The following PXYLP1 variants were observed in gnomAD, a reference collection of about 807,000 sequenced individuals.
The protein encoded by PXYLP1 is acid phosphatase-like 2.
A neutral mutation model predicts 37.9 loss-of-function variants in PXYLP1; 17 were observed. That is an observed-to-expected ratio of 0.45 (90% CI 0.31 to 0.67). The LOEUF is 0.67. Ranked by LOEUF, PXYLP1 falls within the 30% of genes least tolerant of loss-of-function variation. The pLI, the probability that PXYLP1 is intolerant of heterozygous loss-of-function variation, is 0.07. For missense variants in PXYLP1, 511 were observed against 612.0 expected, an observed-to-expected ratio of 0.84 and a Z score of 1.74; for synonymous variants, 221 against 232.2, an observed-to-expected ratio of 0.95 and a Z score of 0.44.
rs568158558 is a variant in PXYLP1, at chr3:141,269,111, C to T, written c.79+8857C>T. ...TTGAGGTGGCCTCCCCAAAGCCCCT[C>T]GCCTGTCTGGCTATGTCTTTTGAGC... On this transcript the variant is annotated intron_variant, in intron 2 of 5. Coordinates refer to ENST00000286353, the MANE Select transcript of PXYLP1 (RefSeq NM_001037172.3). Among the ~76,000 whole-genome samples, 200 of 152,372 alleles carry T rather than the reference C, an allele frequency of 1.3e-3. 1 individual carries two copies. The highest frequency in any genetic ancestry group is 2.1e-3 in the Non-Finnish European group (145 of 68,042).
intron 2 of PXYLP1, among the ~76,000 whole-genome samples, chr3:141,270,182 G>A (rs1941625783): frequency 6.6e-6 from 1 of 152,350 alleles, no homozygotes; most frequent in East Asian, 1.9e-4. Context: ...TCACCATGAA[G>A]CAACATTAAG....
At chr3:141,273,088 A>G (rs1354424654) in intron 2 of PXYLP1, 4 of 985,278 alleles carry the variant, frequency 4.1e-6, no homozygotes, top group Non-Finnish European at 4.8e-6. Context: ...CGTGCCTGAG[A>G]AGGCTATTTT....
chr3:141,259,375 G>A (rs979423345), intron 1 of PXYLP1, among the ~76,000 whole-genome samples: 1 of 145,354 alleles, frequency 6.9e-6, no homozygotes, highest in Non-Finnish European at 1.5e-5. Context: ...TAGGGTAGAA[G>A]TTATAGTAGT....
Position 141,245,279 on chromosome 3 carries a change from C to T in PXYLP1, c.-54+13368C>T, listed in dbSNP as rs181458476. Among the ~76,000 whole-genome samples the T allele has an allele frequency of 4.9e-4, 75 of 152,056 alleles. 1 individual carries two copies. Among genetic ancestry groups the T allele is most frequent in the Non-Finnish European group, 9.1e-4 (62 of 67,992 alleles). The stretch of plus-strand genomic sequence containing the variant: ...ATATAGCTTTGTCATGTTGGCCAGG[C>T]TGGTCTCGAACTCCTGACCTCAGGT... On this transcript the variant is annotated intron_variant, in intron 1 of 5. Transcript: ENST00000286353.
At position 141,278,470 on chromosome 3, in the gene PXYLP1, A is replaced by T. The variant is rs1941859746; in HGVS notation, c.208A>T (p.Ile70Phe). The change falls in exon 3 of 6, where the codon ATC (isoleucine) becomes TTC (phenylalanine). Residue 70 changes from isoleucine (I) to phenylalanine (F), a missense_variant. By Grantham distance (21) the Ile-to-Phe change is conservative. Transcript: ENST00000286353. Reference sequence around the variant, plus strand: ...TTATGAAGCTCTTTTGTACTGCAACATCCCCAGCGTGGCCGAGCGCAGCAT... The same window carrying T: ...TTATGAAGCTCTTTTGTACTGCAACTTCCCCAGCGTGGCCGAGCGCAGCAT... The part of the protein sequence containing the change: ...PVYEALLYCN[I>F]PSVAERSMEG... 1 of 1,614,064 alleles carries T rather than the reference A, an allele frequency of 6.2e-7. No individual in the cohort carries two copies. Among genetic ancestry groups the T allele is most frequent in the Non-Finnish European group, 8.5e-7 (1 of 1,180,038 alleles).
rs764239707 is a variant in PXYLP1, at chr3:141,293,238, C to A, written c.*33C>A. On this transcript the variant is annotated 3_prime_UTR_variant, in exon 6 of 6. Coordinates refer to ENST00000286353, the MANE Select transcript of PXYLP1 (RefSeq NM_001037172.3). ...GCAGTACAGCAGTATAGAATCCATG[C>A]CAATACAGAGCATAGGGAAAGGTCC... is the stretch of plus-strand genomic sequence containing the variant. The A allele has an allele frequency of 6.4e-7, 1 of 1,571,912 alleles. No individual in the cohort carries two copies. Among genetic ancestry groups the A allele is most frequent in the East Asian group, 2.2e-5 (1 of 44,586 alleles).
chr3:141,284,884 C>G (rs1942035066), intron 4 of PXYLP1, among the ~76,000 whole-genome samples: 1 of 152,190 alleles, frequency 6.6e-6, no homozygotes, highest in African/African-American at 2.4e-5. Context: ...TTATCGTATT[C>G]ATTTCTACAG....
At chr3:141,249,306 C>T (rs1309008858) in intron 1 of PXYLP1, among the ~76,000 whole-genome samples, 2 of 152,160 alleles carry the variant, frequency 1.3e-5, no homozygotes, top group East Asian at 3.8e-4. Flanking sequence ...TTGGGCAAAA[C>T]GCCTCTCAGT....
chr3:141,245,693 T>C (rs1940919453), intron 1 of PXYLP1, among the ~76,000 whole-genome samples: 1 of 152,042 alleles, frequency 6.6e-6, no homozygotes, highest in South Asian at 2.1e-4. Flanking sequence ...GCACAAGGAG[T>C]GTCCAGTAGA....
chr3:141,284,831 A>G (rs1047775538), intron 4 of PXYLP1, among the ~76,000 whole-genome samples: 1 of 152,204 alleles, frequency 6.6e-6, no homozygotes, highest in African/African-American at 2.4e-5. Flanking sequence ...GGCCGACTAT[A>G]TTTTCATCAA....
intron 2 of PXYLP1, among the ~76,000 whole-genome samples, chr3:141,276,940 A>G (rs991876191): frequency 7.2e-5 from 11 of 152,216 alleles, no homozygotes; most frequent in African/African-American, 2.7e-4. Flanking sequence ...CTGTTGTTTT[A>G]TCTGTATCTA....
chr3:141,283,288 G>C (rs182632295), intron 4 of PXYLP1, among the ~76,000 whole-genome samples: 275 of 152,068 alleles, frequency 1.8e-3, no homozygotes, highest in African/African-American at 6.4e-3. Context: ...GGCCTAGTCT[G>C]TATAATTTTG....
intron 1 of PXYLP1, among the ~76,000 whole-genome samples, chr3:141,241,117 A>G (rs1358803542): frequency 4.6e-5 from 7 of 152,196 alleles, no homozygotes; most frequent in Non-Finnish European, 1.0e-4. Context: ...CACAACAAAG[A>G]GTAACCTGAT....
At chr3:141,233,260 G>C (rs1282359800) in intron 1 of PXYLP1, among the ~76,000 whole-genome samples, 1 of 152,154 alleles carries the variant, frequency 6.6e-6, no homozygotes, top group Non-Finnish European at 1.5e-5. Context: ...CAGAGGTCGG[G>C]AGTTCGAGAC....
At chr3:141,273,811 A>G in intron 2 of PXYLP1, 2 of 985,370 alleles carry the variant, frequency 2.0e-6, no homozygotes, top group Non-Finnish European at 2.4e-6. Flanking sequence ...TAATCACACC[A>G]CAGAGAAATT....
rs560351125 is a variant in PXYLP1, at chr3:141,233,421, C to T, written c.-54+1510C>T. Reference sequence around the variant, plus strand: ...CAGAGGTTGCAGTGAGCTGAGATTGCGCCATTGCACTCCAGCTTGGGCAAT... The same window carrying T: ...CAGAGGTTGCAGTGAGCTGAGATTGTGCCATTGCACTCCAGCTTGGGCAAT... On this transcript the variant is annotated intron_variant, in intron 1 of 5. Transcript: ENST00000286353. Among the ~76,000 whole-genome samples, 9 of 141,730 alleles carry T rather than the reference C, an allele frequency of 6.4e-5. No homozygotes were observed. The South Asian group carries it at 1.6e-3, about 26-fold the overall frequency. 93.0% of individuals were successfully genotyped at this position (141,730 alleles called of 152,430 possible).
intron 1 of PXYLP1, among the ~76,000 whole-genome samples, chr3:141,242,422 G>T (rs906053913): frequency 2.6e-5 from 4 of 152,166 alleles, no homozygotes; most frequent in Admixed American, 1.3e-4. Context: ...AGAAGGTAAG[G>T]GTTCTGATAA....
intron 1 of PXYLP1, among the ~76,000 whole-genome samples, chr3:141,232,961 G>A (rs1940566499): frequency 6.6e-6 from 1 of 152,092 alleles, no homozygotes; most frequent in Non-Finnish European, 1.5e-5. Flanking sequence ...CTGTGAATGG[G>A]GAAGTGTAGG....
In PXYLP1 at chr3:141,258,643, A is replaced by T. The variant is rs116291534; in HGVS notation, c.-53-1480A>T. ...CAAAGCTGTCTGGGCCAGAGGACTAAGGCACGTCCCATACCGTCATGCGCG... is the reference window on the plus strand; with the variant it reads ...CAAAGCTGTCTGGGCCAGAGGACTATGGCACGTCCCATACCGTCATGCGCG... On this transcript the variant is annotated intron_variant, in intron 1 of 5. Coordinates refer to ENST00000286353, the MANE Select transcript of PXYLP1 (RefSeq NM_001037172.3). 3.6e-3 allele frequency: 584 copies of T among 162,668 alleles called. 5 individuals carry two copies. Among genetic ancestry groups the T allele is most frequent in the African/African-American group, 0.013 (545 of 41,772 alleles). The allele number at this position is 162,668 out of a possible 1,614,324, so 10.1% of individuals were successfully genotyped here. A position where few individuals can be genotyped will look rare whatever the true frequency, so the allele number is the denominator to read the frequency against.
Sources: gnomAD v4.1 joint callset for allele counts (sites outside exome capture counted in the v4.1 genomes callset) on GRCh38, gnomAD v4.1.1 for gene constraint, MANE v1.5 for transcripts, NCBI Gene and HGNC (gene_info 2026-07-23, HGNC 2026-07-21) for gene names.